Variants in TENM2 observed in about 807,000 individuals in gnomAD.
TENM2 encodes the protein teneurin-2.
Under a neutral mutation model 245.2 loss-of-function variants are expected in TENM2, and 52 were observed. The ratio of observed to expected loss-of-function variants is 0.21; its 90% CI spans 0.17 to 0.27. The LOEUF (loss-of-function observed/expected upper bound fraction) is 0.27, where lower values mean the gene tolerates loss of function less well. Among genes scored for constraint, TENM2 ranks in the 10% least tolerant of loss-of-function variants. TENM2 has a pLI of 1.00. For missense variants in TENM2, 3,046 were observed against 3,666.8 expected (o/e 0.83, Z 4.37); for synonymous variants, 1,363 against 1,438.9 (o/e 0.95, Z 1.19).
At chr5:167,732,860 CT>C (rs1469011931) in intron 2 of TENM2, among the ~76,000 whole-genome samples, 1 of 152,090 alleles carries the variant, frequency 6.6e-6, no homozygotes, top group Non-Finnish European at 1.5e-5. Flanking sequence ...AAGATGTTTC[CT>C]TGTTCATTGT....
At chr5:167,683,253 T>C (rs1253669495) in intron 2 of TENM2, among the ~76,000 whole-genome samples, 1 of 151,746 alleles carries the variant, frequency 6.6e-6, no homozygotes, top group Non-Finnish European at 1.5e-5. Flanking sequence ...CCATGTCTTT[T>C]TTTTTTTCCC....
chr5:168,033,994 T>G (rs994727852), intron 5 of TENM2, among the ~76,000 whole-genome samples: 2 of 150,178 alleles, frequency 1.3e-5, no homozygotes, highest in African/African-American at 4.9e-5. Context: ...CCCACTGCAC[T>G]CCAGCCTGAG....
At chr5:167,144,540 T>C in the TENM2 span, among the ~76,000 whole-genome samples, 2 of 152,196 alleles carry the variant, frequency 1.3e-5, no homozygotes, top group Non-Finnish European at 2.9e-5. Flanking sequence ...TTGTGTAGTG[T>C]GATGTGATGG....
chr5:167,586,181 G>A (rs1370977211), intron 2 of TENM2, among the ~76,000 whole-genome samples: 4 of 152,028 alleles, frequency 2.6e-5, no homozygotes, highest in African/African-American at 7.2e-5. Context: ...AAAAAAACAG[G>A]TGATATAACA....
the TENM2 span, among the ~76,000 whole-genome samples, chr5:167,177,167 C>G: frequency 6.6e-6 from 1 of 152,058 alleles, no homozygotes; most frequent in African/African-American, 2.4e-5. Context: ...GGCTTTTTTC[C>G]TCCAGTTTTT....
chr5:167,736,824 G>T (rs1241574616), intron 2 of TENM2, among the ~76,000 whole-genome samples: 2 of 152,214 alleles, frequency 1.3e-5, no homozygotes, highest in Non-Finnish European at 2.9e-5. Flanking sequence ...AGACCCATAG[G>T]CTGAAAGAGA....
Position 168,070,817 on chromosome 5 carries a change from G to GAA in TENM2, c.1515+8553_1515+8554insAA, listed in dbSNP as rs1554190568. ...AAAGAGAGAGAGAGAGAGAGAGAGA[G>GAA]AGAAAAAAAGAAAGAAGAAAAAGAA... On this transcript the variant is annotated intron_variant, in intron 7 of 28. Coordinates refer to ENST00000518659, the Ensembl canonical transcript of TENM2. Among the ~76,000 whole-genome samples the GAA allele has an allele frequency of 9.5e-4, 99 of 104,510 alleles. 2 individuals are homozygous for GAA. Among genetic ancestry groups the GAA allele is most frequent in the African/African-American group, 3.3e-3 (95 of 28,736 alleles). The allele number at this position is 104,510 out of a possible 152,430, so 68.6% of individuals were successfully genotyped here.
At chr5:168,163,857 C>G (rs940362674) in intron 13 of TENM2, among the ~76,000 whole-genome samples, 1 of 152,146 alleles carries the variant, frequency 6.6e-6, no homozygotes, top group Non-Finnish European at 1.5e-5. Context: ...TCCTGGACAC[C>G]TTCCTCCAGA....
At chr5:167,650,770 A>G (rs573726333) in intron 2 of TENM2, among the ~76,000 whole-genome samples, 1 of 152,292 alleles carries the variant, frequency 6.6e-6, no homozygotes, top group South Asian at 2.1e-4. Context: ...TGAGTCCGTC[A>G]CCTGGATGTT....
At chr5:167,100,330 G>A in the TENM2 span, among the ~76,000 whole-genome samples, 6 of 152,146 alleles carry the variant, frequency 3.9e-5, no homozygotes, top group Non-Finnish European at 7.3e-5. Context: ...TGGCACCTGG[G>A]CAATGGGAGG....
At chr5:167,307,043 T>C (rs1284117977) in intron 1 of TENM2, among the ~76,000 whole-genome samples, 1 of 152,172 alleles carries the variant, frequency 6.6e-6, no homozygotes, top group Admixed American at 6.5e-5. Context: ...AGAAAGTCTG[T>C]TGACTGACTA....
chr5:168,129,588 T>C (rs1318884202), intron 12 of TENM2: 1 of 152,222 alleles, frequency 6.6e-6, no homozygotes, highest in Non-Finnish European at 1.5e-5. Context: ...TGTGGTTTTC[T>C]CAAAAACAAA....
At chr5:167,166,836 A>C in the TENM2 span, among the ~76,000 whole-genome samples, 1 of 152,178 alleles carries the variant, frequency 6.6e-6, no homozygotes, top group Non-Finnish European at 1.5e-5. Context: ...TGGGGAGTGC[A>C]GAGCACAGGG....
chr5:167,375,701 G>C (rs1014842520), intron 2 of TENM2, among the ~76,000 whole-genome samples: 1 of 152,184 alleles, frequency 6.6e-6, no homozygotes, highest in African/African-American at 2.4e-5. Flanking sequence ...CAGCATTCAG[G>C]TGTAGTCAGT....
chr5:167,813,423 G>T (rs2151002621), intron 2 of TENM2, among the ~76,000 whole-genome samples: 1 of 150,222 alleles, frequency 6.7e-6, no homozygotes, highest in South Asian at 2.1e-4. Flanking sequence ...ACACACAGTG[G>T]AACTAAGGTC....
intron 3 of TENM2, among the ~76,000 whole-genome samples, chr5:167,895,051 G>C (rs2151483722): frequency 6.6e-6 from 1 of 152,036 alleles, no homozygotes; most frequent in African/African-American, 2.4e-5. Context: ...GGAAAACTTA[G>C]AAAAGACTGA....
At chr5:168,004,852 T>G (rs1388541743) in intron 5 of TENM2, among the ~76,000 whole-genome samples, 2 of 152,110 alleles carry the variant, frequency 1.3e-5, no homozygotes, top group Non-Finnish European at 2.9e-5. Context: ...GTCATATACA[T>G]AATACAAAAC....
At chr5:167,199,097 TAAA>T in the TENM2 span, among the ~76,000 whole-genome samples, 6 of 79,308 alleles carry the variant, frequency 7.6e-5, no homozygotes, top group Non-Finnish European at 1.1e-4. Flanking sequence ...TGATATGAAG[TAAA>T]AAAAAAAAAA....
intron 1 of TENM2, among the ~76,000 whole-genome samples, chr5:167,325,022 A>G (rs1244378707): frequency 2.0e-5 from 3 of 152,184 alleles, no homozygotes; most frequent in Non-Finnish European, 4.4e-5. Flanking sequence ...GTGATGCTGT[A>G]TCAAGTCTGT....
Sources: allele counts gnomAD v4.1 joint callset (sites outside exome capture counted in the v4.1 genomes callset), GRCh38; gene constraint gnomAD v4.1.1; transcripts MANE v1.5; gene names NCBI Gene and HGNC (gene_info 2026-07-23, HGNC 2026-07-21).